The following WDPCP variants were observed in gnomAD, a reference collection of about 807,000 sequenced individuals.
The protein encoded by WDPCP is WD repeat-containing and planar cell polarity effector protein fritz homolog.
In WDPCP, 71 loss-of-function variants were observed where a neutral mutation model predicts 93.1. The ratio of observed to expected loss-of-function variants is 0.76; its 90% CI spans 0.63 to 0.93. The LOEUF (loss-of-function observed/expected upper bound fraction) is 0.93, where lower values mean the gene tolerates loss of function less well. Among genes scored for constraint, WDPCP ranks in the 40% least tolerant of loss-of-function variants. WDPCP has a pLI of 0.00. For missense variants in WDPCP, 844 were observed against 887.4 expected, an observed-to-expected ratio of 0.95 and a Z score of 0.62; for synonymous variants, 315 against 315.0, an observed-to-expected ratio of 1.00 and a Z score of 0.00.
intron 1 of WDPCP, among the ~76,000 whole-genome samples, chr2:63,552,568 T>G (rs1205420219): frequency 6.6e-6 from 1 of 152,104 alleles, no homozygotes; most frequent in East Asian, 1.9e-4. Flanking sequence ...CATGTGTGGG[T>G]TTGTTATATG....
chr2:63,840,199 G>A, the WDPCP span, among the ~76,000 whole-genome samples: 1 of 152,200 alleles, frequency 6.6e-6, no homozygotes, highest in Admixed American at 6.5e-5. Context: ...TGCACTCGCT[G>A]CCAGGCACAC....
intron 9 of WDPCP, among the ~76,000 whole-genome samples, chr2:63,407,594 CTGTT>C (rs1399593664): frequency 6.6e-6 from 1 of 152,226 alleles, no homozygotes. Flanking sequence ...CCTACACACT[CTGTT>C]TGTCCTACCA....
intron 13 of WDPCP, among the ~76,000 whole-genome samples, chr2:63,287,199 G>T (rs188655343): frequency 6.8e-4 from 104 of 152,056 alleles, no homozygotes; most frequent in Admixed American, 1.6e-3. Flanking sequence ...CTCCTTCAAA[G>T]GTTCTATCTC....
chr2:63,170,365 T>G (rs1574788137), intron 15 of WDPCP, among the ~76,000 whole-genome samples: 1 of 151,592 alleles, frequency 6.6e-6, no homozygotes. Context: ...CTCCGCCTCC[T>G]GGGTTCAAGC....
At chr2:63,124,458 T>A (rs183186922) in intron 17 of WDPCP, among the ~76,000 whole-genome samples, 1 of 152,314 alleles carries the variant, frequency 6.6e-6, no homozygotes, top group East Asian at 1.9e-4. Flanking sequence ...CCTTTTGCTG[T>A]TACCTAATAT....
intron 13 of WDPCP, among the ~76,000 whole-genome samples, chr2:63,312,644 T>A (rs1432209915): frequency 6.6e-6 from 1 of 152,172 alleles, no homozygotes; most frequent in Non-Finnish European, 1.5e-5. Flanking sequence ...GGCACTGTAG[T>A]GCAAGATCTT....
chr2:63,322,041 G>A (rs769893301), intron 12 of WDPCP, among the ~76,000 whole-genome samples: 5 of 152,154 alleles, frequency 3.3e-5, no homozygotes, highest in Non-Finnish European at 5.9e-5. Flanking sequence ...TGGGTTGGGT[G>A]GGGACTTGGA....
intron 1 of WDPCP, among the ~76,000 whole-genome samples, chr2:63,529,742 G>C (rs914514154): frequency 8.7e-5 from 13 of 149,300 alleles, no homozygotes; most frequent in Admixed American, 8.0e-4. Context: ...AATGAGTTAG[G>C]GATTGATTGG....
chr2:63,136,040 C>T (rs975840559), intron 17 of WDPCP, among the ~76,000 whole-genome samples: 6 of 152,146 alleles, frequency 3.9e-5, no homozygotes, highest in African/African-American at 1.4e-4. Context: ...ACAAGGAAAT[C>T]TGAGGGACAT....
At chr2:63,808,608 T>G (rs1278223077) in intron 2 of WDPCP, among the ~76,000 whole-genome samples, 1 of 152,170 alleles carries the variant, frequency 6.6e-6, no homozygotes, top group Non-Finnish European at 1.5e-5. Flanking sequence ...CCTCCCGAGG[T>G]GCCGGGATTG....
intron 13 of WDPCP, among the ~76,000 whole-genome samples, chr2:63,284,264 A>C (rs899757857): frequency 3.3e-5 from 5 of 152,198 alleles, no homozygotes; most frequent in African/African-American, 1.2e-4. Context: ...GTTATAACTT[A>C]AACATGCATA....
upstream of WDPCP, among the ~76,000 whole-genome samples, chr2:63,831,699 A>G (rs2104172536): frequency 6.6e-6 from 1 of 152,268 alleles, no homozygotes; most frequent in East Asian, 1.9e-4. Flanking sequence ...ATATATATAT[A>G]TAGTGAATAT....
intron 2 of WDPCP, among the ~76,000 whole-genome samples, chr2:63,773,648 T>C (rs930820394): frequency 3.3e-5 from 5 of 152,116 alleles, no homozygotes; most frequent in African/African-American, 1.2e-4. Context: ...AGAAGAAATC[T>C]TTTTTACTTG....
intron 14 of WDPCP, among the ~76,000 whole-genome samples, chr2:63,213,938 T>C (rs916508981): frequency 5.3e-5 from 8 of 152,268 alleles, no homozygotes; most frequent in African/African-American, 1.4e-4. Context: ...GTTGAATCCC[T>C]GAATAGACCA....
At chr2:63,139,578 T>C (rs538366777) in intron 17 of WDPCP, among the ~76,000 whole-genome samples, 1 of 152,324 alleles carries the variant, frequency 6.6e-6, no homozygotes, top group East Asian at 1.9e-4. Context: ...ATTAGTGATG[T>C]TGAGCATTTT....
chr2:63,464,108 A>G (rs1384885750), intron 6 of WDPCP, among the ~76,000 whole-genome samples: 1 of 152,190 alleles, frequency 6.6e-6, no homozygotes, highest in Admixed American at 6.6e-5. Flanking sequence ...AAATATTTGC[A>G]AAACATATGA....
chr2:63,453,453 G>A (rs1698400212), intron 6 of WDPCP, among the ~76,000 whole-genome samples: 1 of 152,174 alleles, frequency 6.6e-6, no homozygotes, highest in South Asian at 2.1e-4. Context: ...AACAGGTGCT[G>A]GAGAGGATGT....
At chr2:63,515,483 C>A (rs1702492067) in intron 1 of WDPCP, among the ~76,000 whole-genome samples, 1 of 152,166 alleles carries the variant, frequency 6.6e-6, no homozygotes, top group African/African-American at 2.4e-5. Context: ...TTCCTAAAAA[C>A]TGCATTTGTG....
chr2:63,741,032 G>C (rs1669705103), intron 2 of WDPCP, among the ~76,000 whole-genome samples: 1 of 152,144 alleles, frequency 6.6e-6, no homozygotes, highest in Non-Finnish European at 1.5e-5. Flanking sequence ...GTGGTATGTG[G>C]AAAGCTATTG....
Sources: allele counts gnomAD v4.1 joint callset (sites outside exome capture counted in the v4.1 genomes callset), GRCh38; gene constraint gnomAD v4.1.1; transcripts MANE v1.5; gene names NCBI Gene and HGNC (gene_info 2026-07-23, HGNC 2026-07-21).